The following XPR1 variants were observed in gnomAD, a reference collection of about 807,000 sequenced individuals.
XPR1 encodes the protein xenotropic and polytropic retrovirus receptor 1, also known as solute carrier family 53 member 1.
A neutral mutation model predicts 87.5 loss-of-function variants in XPR1; 28 were observed. The ratio of observed to expected loss-of-function variants is 0.32; its 90% confidence interval spans 0.24 to 0.44. The LOEUF (loss-of-function observed/expected upper bound fraction) is 0.44, where lower values mean the gene tolerates loss of function less well. XPR1 is among the 20% of genes least tolerant of loss of function. XPR1 has a pLI of 1.00. For missense variants in XPR1, 559 were observed against 862.3 expected (o/e 0.65, Z 4.41); for synonymous variants, 300 against 306.1 (o/e 0.98, Z 0.21).
intron 2 of XPR1, among the ~76,000 whole-genome samples, chr1:180,782,883 C>T (rs751860420): frequency 6.6e-6 from 1 of 150,692 alleles, no homozygotes; most frequent in Admixed American, 6.6e-5. Flanking sequence ...CTCATGTCAC[C>T]TAGGCTCTTT....
At position 180,889,183 on chromosome 1, in the gene XPR1, C is replaced by G. The variant is rs191483245; in HGVS notation, c.*5117C>G. 9 of 152,214 alleles carry G rather than the reference C, an allele frequency of 5.9e-5. No individual in the cohort carries two copies. The highest frequency in any genetic ancestry group is 4.6e-4 in the Admixed American group (7 of 15,286). The allele number at this position is 152,214 out of a possible 1,614,324, so 9.4% of individuals were successfully genotyped here. A position where few individuals can be genotyped will look rare whatever the true frequency, so the allele number is the denominator to read the frequency against. On this transcript the variant is annotated 3_prime_UTR_variant, in exon 15 of 15. Coordinates refer to ENST00000367590, the MANE Select transcript of XPR1 (RefSeq NM_004736.4). ...GCAACTGAAGTATGTTTCCTTGTAG[C>G]AAACCTTTGGTTTATTTTATCGTCA... is the stretch of plus-strand genomic sequence containing the variant.
In XPR1 at chr1:180,887,885, A is replaced by G. The variant is rs1653064726; in HGVS notation, c.*3819A>G. On this transcript the variant is annotated 3_prime_UTR_variant, in exon 15 of 15. Transcript: ENST00000367590. ...AGTAACTAGAGAAAGCAGATCATCC[A>G]TTTCTGGATAGGTGAACTACGGCAA... 1 of 152,242 alleles carries G rather than the reference A, an allele frequency of 6.6e-6. No individual in the cohort carries two copies. The highest frequency in any genetic ancestry group is 1.5e-5 in the Non-Finnish European group (1 of 68,046). The allele number at this position is 152,242 out of a possible 1,614,324, so 9.4% of individuals were successfully genotyped here. A position where few individuals can be genotyped will look rare whatever the true frequency, so the allele number is the denominator to read the frequency against.
intron 3 of XPR1, among the ~76,000 whole-genome samples, chr1:180,792,805 G>C (rs1015574136): frequency 6.6e-6 from 1 of 151,882 alleles, no homozygotes; most frequent in African/African-American, 2.4e-5. Context: ...TCTTTTTCCA[G>C]TGGACAAGTG....
At chr1:180,805,069 C>T (rs530764694) in intron 4 of XPR1, among the ~76,000 whole-genome samples, 2 of 152,200 alleles carry the variant, frequency 1.3e-5, no homozygotes, top group African/African-American at 2.4e-5. Flanking sequence ...ATCTTCTATT[C>T]TTTGGGGGTC....
At chr1:180,822,339 C>T (rs191200306) in intron 7 of XPR1, among the ~76,000 whole-genome samples, 186 of 152,300 alleles carry the variant, frequency 1.2e-3, no homozygotes, top group Non-Finnish European at 2.1e-3. Context: ...GCCGTCTTCC[C>T]CCAAACATCC....
intron 2 of XPR1, among the ~76,000 whole-genome samples, chr1:180,762,515 A>T (rs1314596347): frequency 6.6e-6 from 1 of 152,190 alleles, no homozygotes; most frequent in African/African-American, 2.4e-5. Context: ...GCTGTTCATA[A>T]AACAAGCAAA....
intron 3 of XPR1, among the ~76,000 whole-genome samples, chr1:180,788,987 C>T (rs1649281162): frequency 6.6e-6 from 1 of 152,142 alleles, no homozygotes; most frequent in Non-Finnish European, 1.5e-5. Flanking sequence ...TTTTCAGCAG[C>T]CCCTTCAACT....
At chr1:180,860,419 T>C (rs570493214) in intron 11 of XPR1, among the ~76,000 whole-genome samples, 1 of 152,256 alleles carries the variant, frequency 6.6e-6, no homozygotes, top group South Asian at 2.1e-4. Flanking sequence ...TAAAGTGACT[T>C]TTTTGGAATT....
chr1:180,769,207 G>C (rs1406456995), intron 2 of XPR1, among the ~76,000 whole-genome samples: 1 of 152,008 alleles, frequency 6.6e-6, no homozygotes, highest in Non-Finnish European at 1.5e-5. Flanking sequence ...TCACATCATG[G>C]AGAATGAGGT....
chr1:180,686,281 A>G (rs1368688767), intron 2 of XPR1, among the ~76,000 whole-genome samples: 1 of 152,032 alleles, frequency 6.6e-6, no homozygotes, highest in Admixed American at 6.6e-5. Context: ...TTCAGTTTCC[A>G]TGTAGTTGAG....
rs573937865 is a variant in XPR1, at chr1:180,750,221, A to G, written c.122-37532A>G. ...TATAAGAAGCACTGCAACACTGGAT[A>G]CAGTCACAGGCCCATTTTCTTTTTA... On this transcript the variant is annotated intron_variant, in intron 2 of 14. Transcript: ENST00000367590. Among the ~76,000 whole-genome samples the G allele has an allele frequency of 2.0e-5, 3 of 152,290 alleles. No homozygotes were observed. In the East Asian group the frequency reaches 5.8e-4, roughly 29 times the overall value.
intron 1 of XPR1, among the ~76,000 whole-genome samples, chr1:180,656,979 C>G (rs1177236998): frequency 1.3e-5 from 2 of 151,940 alleles, no homozygotes; most frequent in Non-Finnish European, 2.9e-5. Flanking sequence ...GTTCCCTTTT[C>G]TCCACATCCT....
chr1:180,815,243 T>TA (rs1650365711), intron 7 of XPR1, among the ~76,000 whole-genome samples: 1 of 152,156 alleles, frequency 6.6e-6, no homozygotes, highest in Non-Finnish European at 1.5e-5. Context: ...TTGCTACAAT[T>TA]TGAGGGTTTT....
intron 1 of XPR1, among the ~76,000 whole-genome samples, chr1:180,651,992 A>C (rs983619261): frequency 3.3e-5 from 5 of 152,168 alleles, no homozygotes; most frequent in African/African-American, 4.8e-5. Context: ...CCTGTGGCCT[A>C]TAAAAGTTGA....
Position 180,714,349 on chromosome 1 carries a change from T to TTCTCTCTCTCTCTCTCTC in XPR1, c.121+31974_121+31991dup, listed in dbSNP as rs71121047. Among the ~76,000 whole-genome samples, 6 of 72,148 alleles carry TTCTCTCTCTCTCTCTCTC rather than the reference T, an allele frequency of 8.3e-5. No individual in the cohort carries two copies. The East Asian group carries it at 9.7e-4, about 12-fold the overall frequency. 47.3% of individuals were successfully genotyped at this position (72,148 alleles called of 152,430 possible). On this transcript the variant is annotated intron_variant, in intron 2 of 14. Transcript: ENST00000367590. ...ATTTTTCTCTCATATTTTTTCCCTGTTCTCTCTCTCTCTCTCTCTCTCTCT... is the reference window on the plus strand; with the variant it reads ...ATTTTTCTCTCATATTTTTTCCCTGTTCTCTCTCTCTCTCTCTCTCTCTCTCTCTCTCTCTCTCTCTCT...
chr1:180,876,230 C>T (rs1652658805), intron 13 of XPR1, among the ~76,000 whole-genome samples: 1 of 152,164 alleles, frequency 6.6e-6, no homozygotes, highest in Admixed American at 6.5e-5. Context: ...TAATCTGTCT[C>T]ATGTACACAG....
At chr1:180,802,192 T>C (rs546172226) in intron 3 of XPR1, among the ~76,000 whole-genome samples, 165 of 150,176 alleles carry the variant, frequency 1.1e-3, no homozygotes, top group African/African-American at 3.9e-3. Flanking sequence ...AGAAGAGTTA[T>C]TAAAAAAAAA....
At chr1:180,638,774 G>A (rs1654868168) in intron 1 of XPR1, among the ~76,000 whole-genome samples, 1 of 151,986 alleles carries the variant, frequency 6.6e-6, no homozygotes, top group African/African-American at 2.4e-5. Flanking sequence ...GAAGATTGAG[G>A]ACTTGGAACA....
intron 2 of XPR1, among the ~76,000 whole-genome samples, chr1:180,718,612 A>T (rs1658076304): frequency 6.6e-6 from 1 of 151,918 alleles, no homozygotes; most frequent in African/African-American, 2.4e-5. Context: ...AAAATCTTGG[A>T]CAGACTGCAT....
Sources: allele counts gnomAD v4.1 joint callset (sites outside exome capture counted in the v4.1 genomes callset), GRCh38; gene constraint gnomAD v4.1.1; transcripts MANE v1.5; gene names NCBI Gene and HGNC (gene_info 2026-07-23, HGNC 2026-07-21).